TRAPPC9: variants seen among roughly 807,000 people sequenced by gnomAD.
The protein encoded by TRAPPC9 is trafficking protein particle complex subunit 9, also known as IKK2 binding protein.
TRAPPC9 carries 83 observed loss-of-function variants against 124.0 expected under a neutral mutation model. That is an observed-to-expected ratio of 0.67 (90% CI 0.56 to 0.80). The LOEUF is 0.80. TRAPPC9 is among the 30% of genes least tolerant of loss of function. TRAPPC9 has a pLI of 0.00. For missense variants in TRAPPC9, 1,302 were observed against 1,508.3 expected, an observed-to-expected ratio of 0.86 and a Z score of 2.27; for synonymous variants, 638 against 617.5, an observed-to-expected ratio of 1.03 and a Z score of -0.49.
intron 18 of TRAPPC9, among the ~76,000 whole-genome samples, chr8:140,000,433 G>C (rs566364206): frequency 5.7e-4 from 87 of 152,274 alleles, no homozygotes; most frequent in African/African-American, 1.9e-3. Context: ...ACTACCATCA[G>C]AGTGAACAGG....
intron 19 of TRAPPC9, among the ~76,000 whole-genome samples, chr8:139,974,732 G>T (rs567442025): frequency 1.3e-5 from 2 of 152,128 alleles, no homozygotes; most frequent in East Asian, 3.9e-4. Context: ...TGCTGTTCAT[G>T]CTCCTTCTCA....
At chr8:140,383,942 C>T (rs1196821649) in intron 7 of TRAPPC9, among the ~76,000 whole-genome samples, 1 of 152,044 alleles carries the variant, frequency 6.6e-6, no homozygotes, top group Admixed American at 6.6e-5. Context: ...AAAGGGAAAC[C>T]CATCAGACTA....
chr8:139,908,939 G>A (rs1434298336), intron 20 of TRAPPC9, among the ~76,000 whole-genome samples: 7 of 152,138 alleles, frequency 4.6e-5, no homozygotes, highest in Admixed American at 1.3e-4. Context: ...GAGTCCCCAA[G>A]CACTCTATTT....
chr8:140,099,259 G>T (rs903260478), intron 17 of TRAPPC9: 5 of 146,030 alleles, frequency 3.4e-5, no homozygotes, highest in Non-Finnish European at 6.0e-5. Context: ...GGGTACTGAC[G>T]CTCTCCTGAA....
At chr8:140,246,796 C>A (rs2063998823) in intron 16 of TRAPPC9, among the ~76,000 whole-genome samples, 1 of 152,086 alleles carries the variant, frequency 6.6e-6, no homozygotes, top group South Asian at 2.1e-4. Context: ...ACCAGCCTGG[C>A]CAACGTGGTG....
At chr8:139,905,773 G>A (rs1175799935) in intron 20 of TRAPPC9, among the ~76,000 whole-genome samples, 1 of 152,144 alleles carries the variant, frequency 6.6e-6, no homozygotes, top group East Asian at 1.9e-4. Context: ...ATGATAAATA[G>A]GGTTTAAGAA....
At chr8:140,211,256 T>C (rs1034412020) in intron 17 of TRAPPC9, among the ~76,000 whole-genome samples, 2 of 152,118 alleles carry the variant, frequency 1.3e-5, no homozygotes, top group African/African-American at 4.8e-5. Context: ...AAAAAAGTAT[T>C]TTTTTTAAAA....
chr8:140,007,969 G>A (rs1162426433), intron 18 of TRAPPC9, among the ~76,000 whole-genome samples: 1 of 152,212 alleles, frequency 6.6e-6, no homozygotes, highest in East Asian at 1.9e-4. Context: ...TGGATAACAA[G>A]TGGATGACAC....
In TRAPPC9 at chr8:140,224,925, G is replaced by A. The variant is rs138261441; in HGVS notation, c.2432-3342C>T. On this transcript the variant is annotated intron_variant, in intron 16 of 22. Transcript: ENST00000438773. The stretch of plus-strand genomic sequence containing the variant: ...GCCCGGTAGGAGATCAGAGGGGTCG[G>A]GGCTGAGGTGCGGCTCCCCTTCTAC... Among the ~76,000 whole-genome samples the A allele has an allele frequency of 4.6e-5, 7 of 152,246 alleles. 1 individual carries two copies. Among genetic ancestry groups the A allele is most frequent in the African/African-American group, 1.7e-4 (7 of 41,536 alleles).
At chr8:140,022,968 C>T (rs1253191640) in intron 18 of TRAPPC9, among the ~76,000 whole-genome samples, 3 of 152,232 alleles carry the variant, frequency 2.0e-5, no homozygotes, top group Non-Finnish European at 4.4e-5. Context: ...TTTATGCCAA[C>T]ATTAACATGG....
intron 21 of TRAPPC9, among the ~76,000 whole-genome samples, chr8:139,736,280 C>G (rs915701651): frequency 6.6e-6 from 1 of 152,222 alleles, no homozygotes; most frequent in Non-Finnish European, 1.5e-5. Context: ...TTGCCCAGGG[C>G]TAGTTTGGCT....
chr8:140,072,956 G>A (rs1843278898), intron 17 of TRAPPC9, among the ~76,000 whole-genome samples: 1 of 152,150 alleles, frequency 6.6e-6, no homozygotes, highest in Non-Finnish European at 1.5e-5. Context: ...ACATGAAGAA[G>A]TGTTCAATGT....
At chr8:140,106,589 G>C (rs1053204376) in intron 17 of TRAPPC9, among the ~76,000 whole-genome samples, 2 of 152,162 alleles carry the variant, frequency 1.3e-5, no homozygotes, top group African/African-American at 4.8e-5. Flanking sequence ...TCTTGGTCGT[G>C]GGGGAGCGAG....
chr8:139,807,320 C>T lies in TRAPPC9; in HGVS notation c.3056-75118G>A, dbSNP rs114160455. Among the ~76,000 whole-genome samples, 1,042 of 152,330 alleles carry T rather than the reference C, an allele frequency of 6.8e-3. 17 individuals are homozygous for T. The highest frequency in any genetic ancestry group is 0.025 in the African/African-American group (1,023 of 41,586). ...GACCCAACCCCAGAATCACATTCCT[C>T]ATGACCCATGCGTTCAGAAGAGCCT... On this transcript the variant is annotated intron_variant, in intron 21 of 22. Coordinates refer to ENST00000438773, the MANE Select transcript of TRAPPC9 (RefSeq NM_001160372.4).
chr8:140,168,780 C>T (rs1184155028), intron 17 of TRAPPC9, among the ~76,000 whole-genome samples: 1 of 152,184 alleles, frequency 6.6e-6, no homozygotes, highest in Non-Finnish European at 1.5e-5. Context: ...GTGCATTTCA[C>T]TCTCTCCAGC....
intron 21 of TRAPPC9, among the ~76,000 whole-genome samples, chr8:139,804,154 C>T (rs1586879996): frequency 1.5e-5 from 2 of 132,128 alleles, no homozygotes; most frequent in African/African-American, 5.2e-5. Flanking sequence ...CACCCACCAC[C>T]ACCACCAAGC....
At chr8:139,893,014 AAG>A (rs1432008018) in intron 20 of TRAPPC9, among the ~76,000 whole-genome samples, 2 of 152,156 alleles carry the variant, frequency 1.3e-5, no homozygotes, top group African/African-American at 4.8e-5. Context: ...GGAGGATGAA[AAG>A]ATAGAGGGGA....
At chr8:140,360,221 A>C in intron 8 of TRAPPC9, 28 bp from the exon 9 acceptor site, 1 of 1,614,024 alleles carries the variant, frequency 6.2e-7, no homozygotes, top group African/African-American at 1.3e-5. Context: ...AAACATCACA[A>C]AAGTGCTTGG....
chr8:139,958,196 C>T (rs1835125125), intron 19 of TRAPPC9, among the ~76,000 whole-genome samples: 1 of 152,208 alleles, frequency 6.6e-6, no homozygotes, highest in Non-Finnish European at 1.5e-5. Flanking sequence ...CGCCTTGGCC[C>T]CTGAGCTTCC....
Sources: gnomAD v4.1 joint callset for allele counts (sites outside exome capture counted in the v4.1 genomes callset) on GRCh38, gnomAD v4.1.1 for gene constraint, MANE v1.5 for transcripts, NCBI Gene and HGNC (gene_info 2026-07-23, HGNC 2026-07-21) for gene names.